AK4: variants seen among roughly 807,000 people sequenced by gnomAD.
AK4 encodes adenylate kinase 4, mitochondrial.
In AK4, 13 loss-of-function variants were observed where a neutral mutation model predicts 24.6. That is an observed-to-expected ratio of 0.53 (90% CI 0.34 to 0.84). AK4 has a LOEUF of 0.84. Among genes scored for constraint, AK4 ranks in the 40% least tolerant of loss-of-function variants. The pLI is 0.01. For synonymous variants in AK4, 88 were observed against 107.0 expected, an observed-to-expected ratio of 0.82 and a Z score of 1.10; for missense variants, 192 against 288.2, an observed-to-expected ratio of 0.67 and a Z score of 2.42.
At chr1:65,215,467 C>T (rs1652103687) in intron 2 of AK4, among the ~76,000 whole-genome samples, 3 of 152,270 alleles carry the variant, frequency 2.0e-5, no homozygotes, top group South Asian at 2.1e-4. Flanking sequence ...CCACCATGTC[C>T]GACCCTGATT....
At chr1:65,176,104 G>A (rs1367885903) in intron 1 of AK4, among the ~76,000 whole-genome samples, 1 of 152,164 alleles carries the variant, frequency 6.6e-6, no homozygotes, top group Admixed American at 6.5e-5. Context: ...TAAATATGAA[G>A]GGTGAAATAA....
chr1:65,193,778 G>A (rs1557455955), intron 2 of AK4, among the ~76,000 whole-genome samples: 1 of 152,356 alleles, frequency 6.6e-6, no homozygotes, highest in Admixed American at 6.5e-5. Context: ...TTGCGAATGT[G>A]GAACCCAGTG....
At chr1:65,200,876 C>T (rs1360389842) in intron 2 of AK4, among the ~76,000 whole-genome samples, 1 of 151,700 alleles carries the variant, frequency 6.6e-6, no homozygotes, top group Non-Finnish European at 1.5e-5. Context: ...CTCACTGCAA[C>T]CTCCACCTCT....
chr1:65,223,219 G>A (rs1406422455), intron 3 of AK4, among the ~76,000 whole-genome samples: 1 of 151,596 alleles, frequency 6.6e-6, no homozygotes, highest in African/African-American at 2.4e-5. Context: ...TTTTGAGACA[G>A]TGTCTCGCTC....
intron 1 of AK4, among the ~76,000 whole-genome samples, chr1:65,170,039 T>C (rs1421584369): frequency 6.6e-6 from 1 of 152,024 alleles, no homozygotes; most frequent in Admixed American, 6.5e-5. Context: ...TCCAGGATAT[T>C]TTCTGTTAGG....
chr1:65,190,340 G>A (rs547943526), intron 1 of AK4, among the ~76,000 whole-genome samples: 2 of 149,402 alleles, frequency 1.3e-5, no homozygotes, highest in Non-Finnish European at 3.0e-5. Context: ...TGAGCTCCCT[G>A]CAAGTGCAAA....
chr1:65,185,522 T>C (rs1324698963), intron 1 of AK4, among the ~76,000 whole-genome samples: 1 of 152,196 alleles, frequency 6.6e-6, no homozygotes, highest in Non-Finnish European at 1.5e-5. Flanking sequence ...TTGCTGTTGC[T>C]GTTTCCTTCT....
chr1:65,195,031 G>T (rs1651424393), intron 2 of AK4, among the ~76,000 whole-genome samples: 1 of 152,098 alleles, frequency 6.6e-6, no homozygotes, highest in Non-Finnish European at 1.5e-5. Flanking sequence ...CCTCAGGTTG[G>T]GTAATTTATA....
intron 2 of AK4, among the ~76,000 whole-genome samples, chr1:65,209,427 T>G (rs12091763): frequency 0.039 from 5,926 of 152,306 alleles, 183 homozygotes; most frequent in African/African-American, 0.091. Context: ...CAACTTGTAA[T>G]TCTCTCTAAA....
chr1:65,198,728 C>T (rs936581675), intron 2 of AK4, among the ~76,000 whole-genome samples: 8 of 149,754 alleles, frequency 5.3e-5, no homozygotes, highest in Non-Finnish European at 1.2e-4. Flanking sequence ...ATCCATGCCC[C>T]AAGACAATGT....
At chr1:65,161,142 C>T (rs1000357597) in intron 1 of AK4, among the ~76,000 whole-genome samples, 2 of 152,008 alleles carry the variant, frequency 1.3e-5, no homozygotes, top group South Asian at 4.2e-4. Context: ...ACTTCCTCCT[C>T]CCATGATCAA....
At chr1:65,211,266 C>A (rs1651963255) in intron 2 of AK4, among the ~76,000 whole-genome samples, 1 of 152,128 alleles carries the variant, frequency 6.6e-6, no homozygotes. Flanking sequence ...AAAAAAATCT[C>A]CAAAGAGAAA....
At chr1:65,157,271 T>C (rs1650014830) in intron 1 of AK4, among the ~76,000 whole-genome samples, 1 of 152,226 alleles carries the variant, frequency 6.6e-6, no homozygotes, top group South Asian at 2.1e-4. Context: ...CACAATTTAA[T>C]CAGTCCCCTG....
At chr1:65,151,910 T>A (rs766852884) in intron 1 of AK4, among the ~76,000 whole-genome samples, 1 of 152,268 alleles carries the variant, frequency 6.6e-6, no homozygotes, top group Admixed American at 6.5e-5. Context: ...AGATTTTCTT[T>A]AGCACACTGC....
At chr1:65,212,372 C>T (rs1273823433) in intron 2 of AK4, among the ~76,000 whole-genome samples, 1 of 151,800 alleles carries the variant, frequency 6.6e-6, no homozygotes, top group Non-Finnish European at 1.5e-5. Context: ...TCTCAGTGCA[C>T]TGCAACCTCT....
intron 2 of AK4, among the ~76,000 whole-genome samples, chr1:65,191,393 T>A (rs1275070286): frequency 6.6e-6 from 1 of 152,120 alleles, no homozygotes; most frequent in Non-Finnish European, 1.5e-5. Flanking sequence ...ACATTATTAC[T>A]GACACTATAA....
chr1:65,172,570 A>G (rs753608333), intron 1 of AK4, among the ~76,000 whole-genome samples: 2 of 152,168 alleles, frequency 1.3e-5, no homozygotes, highest in African/African-American at 2.4e-5. Flanking sequence ...AAGCTTACGA[A>G]TGGAAATCAG....
At chr1:65,194,030 G>A (rs1402005911) in intron 2 of AK4, among the ~76,000 whole-genome samples, 2 of 152,220 alleles carry the variant, frequency 1.3e-5, no homozygotes, top group East Asian at 1.9e-4. Context: ...GGTTGAGGCA[G>A]CAGTGAGGCA....
chr1:65,202,883 T>TTTG (rs1651705543), intron 2 of AK4, among the ~76,000 whole-genome samples: 2 of 138,842 alleles, frequency 1.4e-5, no homozygotes, highest in South Asian at 4.8e-4. Flanking sequence ...TTTTTTTTTT[T>TTTG]TTTTTTAAGA....
Sources: allele counts gnomAD v4.1 joint callset (sites outside exome capture counted in the v4.1 genomes callset), GRCh38; gene constraint gnomAD v4.1.1; transcripts MANE v1.5; gene names NCBI Gene and HGNC (gene_info 2026-07-23, HGNC 2026-07-21).